CDK12: variants seen among roughly 807,000 people sequenced by gnomAD.
CDK12 encodes the protein cyclin dependent kinase 12.
A neutral mutation model predicts 133.8 loss-of-function variants in CDK12; 17 were observed. The observed-to-expected ratio is 0.13, with a 90% CI of 0.09 to 0.19. The LOEUF is 0.19. Among genes scored for constraint, CDK12 ranks in the 10% least tolerant of loss-of-function variants. CDK12 has a pLI of 1.00. For synonymous variants in CDK12, 694 were observed against 683.6 expected, an observed-to-expected ratio of 1.02 and a Z score of -0.24; for missense variants, 1,508 against 1,818.7, an observed-to-expected ratio of 0.83 and a Z score of 3.11.
intron 7 of CDK12, among the ~76,000 whole-genome samples, 179 bp from the exon 8 acceptor site, chr17:39,511,350 G>A (rs914492319): frequency 6.6e-6 from 1 of 151,990 alleles, no homozygotes; most frequent in African/African-American, 2.4e-5. Context: ...GCCAGGCATG[G>A]AAGTTATTTC....
chr17:39,519,024 C>T (rs901915339), intron 10 of CDK12, among the ~76,000 whole-genome samples: 2 of 150,214 alleles, frequency 1.3e-5, no homozygotes, highest in Non-Finnish European at 3.0e-5. Context: ...GCCTTAGCCT[C>T]CTGAGTAGCA....
intron 2 of CDK12, among the ~76,000 whole-genome samples, chr17:39,474,842 AT>A (rs1008717280): frequency 0.012 from 259 of 22,432 alleles, 2 homozygotes; most frequent in Non-Finnish European, 0.011. Context: ...TTTTATTTTT[AT>A]TTTTTTTTGA....
At chr17:39,493,964 G>A (rs889045524) in intron 4 of CDK12, among the ~76,000 whole-genome samples, 2 of 152,042 alleles carry the variant, frequency 1.3e-5, no homozygotes, top group African/African-American at 4.8e-5. Context: ...CCAGTGCCCT[G>A]CAGCCTGGGT....
intron 5 of CDK12, among the ~76,000 whole-genome samples, chr17:39,496,533 C>G (rs1303635245): frequency 6.6e-6 from 1 of 152,048 alleles, no homozygotes; most frequent in Non-Finnish European, 1.5e-5. Context: ...AACCCTATCT[C>G]TACTAAAAAT....
chr17:39,525,856 T>G lies in CDK12; in HGVS notation c.3308-8T>G. 1 of 1,609,800 alleles carries G rather than the reference T, an allele frequency of 6.2e-7. No homozygotes were observed. Among genetic ancestry groups the G allele is most frequent in the Non-Finnish European group, 8.5e-7 (1 of 1,176,940 alleles). On this transcript the variant is annotated splice_polypyrimidine_tract_variant and splice_region_variant and intron_variant, in intron 12 of 13. Transcript: ENST00000447079. Reference sequence around the variant, plus strand: ...TCGTCTTATATTGGCTTCACTGTCTTTCAACAGGCCTTGCTGACATCACAC... The same window carrying G: ...TCGTCTTATATTGGCTTCACTGTCTGTCAACAGGCCTTGCTGACATCACAC...
Position 39,490,742 on chromosome 17 carries a change from T to C in CDK12, c.2108+9T>C. ...TATAAAAAGAGACCAAAGTGAGTTT[T>C]TGGAGGAATCTGTCTTTCATGATAG... On this transcript the variant is annotated intron_variant, in intron 3 of 13. Transcript: ENST00000447079. 1.3e-6 allele frequency: 2 copies of C among 1,585,554 alleles called. No homozygotes were observed. Among genetic ancestry groups the C allele is most frequent in the Non-Finnish European group, 1.7e-6 (2 of 1,163,034 alleles).
intron 2 of CDK12, among the ~76,000 whole-genome samples, chr17:39,476,711 C>CCTTTTTTTTT (rs1555553398): frequency 1.2e-5 from 1 of 84,508 alleles, no homozygotes; most frequent in South Asian, 3.6e-4. Context: ...CCATGCCTGC[C>CCTTTTTTTTT]TTTTTTTTTT....
chr17:39,476,454 C>G (rs1016230723), intron 2 of CDK12, among the ~76,000 whole-genome samples: 6 of 151,696 alleles, frequency 4.0e-5, no homozygotes, highest in African/African-American at 1.5e-4. Context: ...AATTTTTGCC[C>G]TTGTTGTCCA....
intron 8 of CDK12, 128 bp downstream of exon 8, chr17:39,511,758 A>G (rs1037257435): frequency 4.4e-6 from 2 of 459,526 alleles, no homozygotes; most frequent in Non-Finnish European, 7.7e-6. Flanking sequence ...ACTTTTGGCC[A>G]GATTTCCGGG....
At position 39,501,332 on chromosome 17, in the gene CDK12, C is replaced by A. The variant is rs769234479; in HGVS notation, c.2502C>A (p.Asp834Glu). 2 of 1,613,076 alleles carry A rather than the reference C, an allele frequency of 1.2e-6. No homozygotes were observed. Among genetic ancestry groups the A allele is most frequent in the Non-Finnish European group, 1.7e-6 (2 of 1,179,486 alleles). Residue 834 changes from aspartate (D) to glutamate (E), a missense_variant, in exon 6 of 14, where the codon GAC becomes GAA. Asp to Glu is a conservative substitution (Grantham distance 45). Transcript: ENST00000447079. ...LESGLVHFSEDHIKSFMKQLM... is the reference protein window; with the variant it reads ...LESGLVHFSEEHIKSFMKQLM... ...CTGGTTTGGTGCACTTTTCTGAGGA[C>A]CATATCAAGTCGTTCATGAAACAGC...
chr17:39,526,325 AC>A lies in CDK12; in HGVS notation c.3760+11del. 6.4e-7 allele frequency: 1 copy of A among 1,567,964 alleles called. No homozygotes were observed. Among genetic ancestry groups the A allele is most frequent in the African/African-American group, 1.4e-5 (1 of 74,064 alleles). On this transcript the variant is annotated intron_variant, in intron 13 of 13. Coordinates refer to ENST00000447079, the MANE Select transcript of CDK12 (RefSeq NM_016507.4). ...ACAGGAGGAGGCAGCAGGTAAACAG[AC>A]CGGTCATGAATCTCATTGAGCTCAG...
At position 39,524,899 on chromosome 17, in the gene CDK12, T is replaced by A. The variant is rs1372035851; in HGVS notation, c.3307+14T>A. ...GGGATGCAATAGGTCAGTGCCAGAA[T>A]GGGGCCTTTGTGCTTTTGCTAAGCG... On this transcript the variant is annotated intron_variant, in intron 12 of 13. Coordinates refer to ENST00000447079, the MANE Select transcript of CDK12 (RefSeq NM_016507.4). The A allele has an allele frequency of 1.3e-6, 2 of 1,596,052 alleles. No individual in the cohort carries two copies. The highest frequency in any genetic ancestry group is 2.7e-5 in the African/African-American group (2 of 74,234).
intron 1 of CDK12, 122 bp downstream of exon 1, chr17:39,463,239 G>A (rs1042577489): frequency 6.0e-6 from 5 of 835,920 alleles, no homozygotes; most frequent in Non-Finnish European, 9.4e-6. Flanking sequence ...CTTTGCTGTT[G>A]GCTAGTCATT....
intron 2 of CDK12, among the ~76,000 whole-genome samples, chr17:39,484,766 C>T (rs1023709698): frequency 4.6e-5 from 7 of 152,088 alleles, no homozygotes; most frequent in Non-Finnish European, 7.4e-5. Flanking sequence ...TTAGCGCTGA[C>T]ATGATACTCA....
At chr17:39,463,161 G>C in intron 1 of CDK12, 44 bp downstream of exon 1, 1 of 1,540,630 alleles carries the variant, frequency 6.5e-7, no homozygotes. Context: ...AGGGTGGGTT[G>C]CGAGGAATTG....
chr17:39,563,517 T>G (rs562954085), intron 3 of CDK12, among the ~76,000 whole-genome samples: 1 of 117,940 alleles, frequency 8.5e-6, no homozygotes, highest in African/African-American at 3.3e-5. Flanking sequence ...CTGTGCCAAC[T>G]TTTTTCCCCC....
intron 5 of CDK12, among the ~76,000 whole-genome samples, chr17:39,500,658 T>C (rs2052651890): frequency 6.6e-6 from 1 of 151,924 alleles, no homozygotes; most frequent in African/African-American, 2.4e-5. Flanking sequence ...TAATGCAACC[T>C]GGTCAGGGCA....
intron 3 of CDK12, among the ~76,000 whole-genome samples, chr17:39,560,727 G>T (rs1366212224): frequency 6.6e-6 from 1 of 152,178 alleles, no homozygotes; most frequent in Non-Finnish European, 1.5e-5. Context: ...CAAAAGAGCG[G>T]CACAGGCCAT....
chr17:39,492,875 A>G lies in CDK12; in HGVS notation c.2233A>G (p.Lys745Glu). The G allele has an allele frequency of 1.9e-6, 3 of 1,608,292 alleles. No individual in the cohort carries two copies. The highest frequency in any genetic ancestry group is 2.5e-6 in the Non-Finnish European group (3 of 1,178,334). The change falls in exon 4 of 14, where the codon AAG (lysine) becomes GAG (glutamate). Residue 745 changes from lysine to glutamate, a missense_variant. By Grantham distance (56) the Lys-to-Glu change is moderately conservative. This residue lies in a region of CDK12 where 74 missense variants were observed against 160.2 expected (regional missense o/e 0.46). Coordinates refer to ENST00000447079, the MANE Select transcript of CDK12 (RefSeq NM_016507.4). ...AACCTATGGCCAAGTATATAAAGCC[A>G]AGGACAAAGACACAGGTAAATATTG... The part of the protein sequence containing the change: ...EGTYGQVYKA[K>E]DKDTGELVAL...
Sources: allele counts gnomAD v4.1 joint callset (sites outside exome capture counted in the v4.1 genomes callset), GRCh38; gene constraint gnomAD v4.1.1; regional missense constraint gnomAD v4.1.1; transcripts MANE v1.5; gene names NCBI Gene and HGNC (gene_info 2026-07-23, HGNC 2026-07-21).